TTBK1: variants seen among roughly 807,000 people sequenced by gnomAD.
TTBK1 encodes the protein tau tubulin kinase 1.
Under a neutral mutation model 108.5 loss-of-function variants are expected in TTBK1, and 34 were observed. The ratio of observed to expected loss-of-function variants is 0.31; its 90% CI spans 0.24 to 0.42. The LOEUF (loss-of-function observed/expected upper bound fraction) is 0.42, where lower values mean the gene tolerates loss of function less well. TTBK1 is among the 10% of genes least tolerant of loss of function. The probability of loss-of-function intolerance (pLI) is 1.00; values close to 1 mark genes in which losing one functional copy is unlikely to be tolerated. For synonymous variants in TTBK1, 809 were observed against 795.1 expected, an observed-to-expected ratio of 1.02 and a Z score of -0.29; for missense variants, 1,539 against 1,826.0, an observed-to-expected ratio of 0.84 and a Z score of 2.86.
chr6:43,284,455 T>C, intron 14 of TTBK1, 143 bp downstream of exon 14: 3 of 1,369,702 alleles, frequency 2.2e-6, no homozygotes, highest in Non-Finnish European at 2.9e-6. Flanking sequence ...ACCTCCCAAC[T>C]GTGCTCTGCC....
chr6:43,278,787 C>T (rs1778073895), intron 13 of TTBK1, among the ~76,000 whole-genome samples: 1 of 152,200 alleles, frequency 6.6e-6, no homozygotes, highest in African/African-American at 2.4e-5. Context: ...TTAGGCTACT[C>T]TCTGAGGAGG....
At position 43,253,497 on chromosome 6, in the gene TTBK1, G is replaced by GAGT. The variant is rs1777303718; in HGVS notation, c.331-69_331-67dup. 4 of 1,588,000 alleles carry GAGT rather than the reference G, an allele frequency of 2.5e-6. No homozygotes were observed. In the East Asian group the frequency reaches 9.0e-5, roughly 36 times the overall value. ...CAACCCTTTGGGGTGAGGCTGGGAA[G>GAGT]AGTATCACAATGATGGTGTCTGGGA... On this transcript the variant is annotated intron_variant, in intron 4 of 14. Transcript: ENST00000259750. This position sits in a 1 kb window ranked among gnomAD's most constrained non-coding sequence, Gnocchi z 5.8.
At position 43,253,400 on chromosome 6, in the gene TTBK1, A is replaced by G. The variant is rs773446595; in HGVS notation, c.330+36A>G. ...GTGGCCCATCCTCGCTCCCCTCTCT[A>G]AGAGCTTGGGCTGTGACTCCAGGGT... On this transcript the variant is annotated intron_variant, in intron 4 of 14. Coordinates refer to ENST00000259750, the MANE Select transcript of TTBK1 (RefSeq NM_032538.3). The surrounding 1 kb of genome is among the most constrained non-coding windows in gnomAD (Gnocchi z 5.8). 11 of 1,611,258 alleles carry G rather than the reference A, an allele frequency of 6.8e-6. No homozygotes were observed. Among genetic ancestry groups the G allele is most frequent in the Middle Eastern group, 1.6e-4 (1 of 6,064 alleles).
chr6:43,285,672 C>A lies in TTBK1; in HGVS notation c.*296C>A. The A allele has an allele frequency of 3.9e-6, 1 of 257,014 alleles. No individual in the cohort carries two copies. Among genetic ancestry groups the A allele is most frequent in the Non-Finnish European group, 7.3e-6 (1 of 136,712 alleles). The allele number at this position is 257,014 out of a possible 1,614,324, so 15.9% of individuals were successfully genotyped here. ...GCCGGCCAGCCTCACATCAGTCTCTCCGCCCCGGGGAAGGCTCAGCCACTT... is the reference window on the plus strand; with the variant it reads ...GCCGGCCAGCCTCACATCAGTCTCTACGCCCCGGGGAAGGCTCAGCCACTT... On this transcript the variant is annotated 3_prime_UTR_variant, in exon 15 of 15. Coordinates refer to ENST00000259750, the MANE Select transcript of TTBK1 (RefSeq NM_032538.3). The surrounding 1 kb of genome is among the most constrained non-coding windows in gnomAD (Gnocchi z 4.7).
chr6:43,279,758 T>TTTG (rs111607015), intron 13 of TTBK1, among the ~76,000 whole-genome samples: 29,088 of 150,912 alleles, frequency 0.19, 5,135 homozygotes, highest in African/African-American at 0.47. Flanking sequence ...GACAAAGTTT[T>TTTG]TTGTTGTTGT....
chr6:43,282,374 GT>G lies in TTBK1; in HGVS notation c.1987-351del, dbSNP rs1197429627. Among the ~76,000 whole-genome samples the G allele has an allele frequency of 6.6e-6, 1 of 152,240 alleles. No individual in the cohort carries two copies. Among genetic ancestry groups the G allele is most frequent in the Non-Finnish European group, 1.5e-5 (1 of 68,032 alleles). On this transcript the variant is annotated intron_variant, in intron 13 of 14. Coordinates refer to ENST00000259750, the MANE Select transcript of TTBK1 (RefSeq NM_032538.3). The surrounding 1 kb of genome is among the most constrained non-coding windows in gnomAD (Gnocchi z 5.4). ...CTTCCAGTTTTCATTTTCTGTTATT[GT>G]TGCTGACTCGGGTGCAGGATGCACA...
At chr6:43,277,094 G>A (rs537271559) in intron 13 of TTBK1, among the ~76,000 whole-genome samples, 20 of 152,188 alleles carry the variant, frequency 1.3e-4, no homozygotes, top group Non-Finnish European at 2.5e-4. Context: ...AGTGTCTGGT[G>A]GGACTAGAAA....
In TTBK1 at chr6:43,285,796, G is replaced by C. The variant is rs1778365645; in HGVS notation, c.*420G>C. ...CCAGCAATCTCTGCCTACACCTCCT[G>C]CGGCGCCTTGCCCTCCTCCGACCCC... On this transcript the variant is annotated 3_prime_UTR_variant, in exon 15 of 15. Coordinates refer to ENST00000259750, the MANE Select transcript of TTBK1 (RefSeq NM_032538.3). The surrounding 1 kb of genome is among the most constrained non-coding windows in gnomAD (Gnocchi z 4.7). 1 of 156,020 alleles carries C rather than the reference G, an allele frequency of 6.4e-6. No individual in the cohort carries two copies. The highest frequency in any genetic ancestry group is 6.5e-5 in the Admixed American group (1 of 15,358). The allele number at this position is 156,020 out of a possible 1,614,324, so 9.7% of individuals were successfully genotyped here.
chr6:43,256,822 A>T lies in TTBK1; in HGVS notation c.861+966A>T, dbSNP rs528271345. ...GAAAACTCTGCGGGAGGCAAGTGGG[A>T]TGATCATGCCCATTTCATAGATGAG... On this transcript the variant is annotated intron_variant, in intron 9 of 14. Coordinates refer to ENST00000259750, the MANE Select transcript of TTBK1 (RefSeq NM_032538.3). Among the ~76,000 whole-genome samples, 726 of 152,284 alleles carry T rather than the reference A, an allele frequency of 4.8e-3. 4 individuals carry two copies. Among genetic ancestry groups the T allele is most frequent in the Non-Finnish European group, 7.6e-3 (518 of 68,018 alleles).
Position 43,253,917 on chromosome 6 carries a change from C to T in TTBK1, c.471+209C>T, listed in dbSNP as rs954312713. Reference sequence around the variant, plus strand: ...GGAGCATGCACCCCTGCCTGCCCCTCGGCCATGGCCAGGCCTCTCCTCTGT... The same window carrying T: ...GGAGCATGCACCCCTGCCTGCCCCTTGGCCATGGCCAGGCCTCTCCTCTGT... On this transcript the variant is annotated intron_variant, in intron 5 of 14. Coordinates refer to ENST00000259750, the MANE Select transcript of TTBK1 (RefSeq NM_032538.3). The surrounding 1 kb of genome is among the most constrained non-coding windows in gnomAD (Gnocchi z 5.8). Among the ~76,000 whole-genome samples, 2 of 152,172 alleles carry T rather than the reference C, an allele frequency of 1.3e-5. No homozygotes were observed. Among genetic ancestry groups the T allele is most frequent in the Admixed American group, 6.5e-5 (1 of 15,284 alleles).
At position 43,263,143 on chromosome 6, in the gene TTBK1, C is replaced by G; in HGVS notation, c.1779C>G (p.Val593=). The G allele has an allele frequency of 1.3e-6, 2 of 1,567,962 alleles. No homozygotes were observed. Among genetic ancestry groups the G allele is most frequent in the Non-Finnish European group, 1.7e-6 (2 of 1,155,310 alleles). The change falls in exon 13 of 15, where the codon GTC becomes GTG. Residue 593 remains valine (V), a synonymous_variant. Coordinates refer to ENST00000259750, the MANE Select transcript of TTBK1 (RefSeq NM_032538.3). This position sits in a 1 kb window ranked among gnomAD's most constrained non-coding sequence, Gnocchi z 4.7. The part of the protein sequence containing the change: ...ERRRLGAEPT[V]RPRGRSMQAL... ...GGCGGCTGGGGGCAGAGCCCACCGTCCGGCCCCGGGGACGCAGCATGCAGG... is the reference window on the plus strand; with the variant it reads ...GGCGGCTGGGGGCAGAGCCCACCGTGCGGCCCCGGGGACGCAGCATGCAGG...
At chr6:43,245,711 A>G (rs1777067490) in intron 1 of TTBK1, among the ~76,000 whole-genome samples, 1 of 152,118 alleles carries the variant, frequency 6.6e-6, no homozygotes, top group Non-Finnish European at 1.5e-5. Context: ...ACCTGTCCTA[A>G]TTCGAGGAGA....
chr6:43,284,887 G>T, intron 14 of TTBK1, 96 bp from the exon 15 acceptor site: 1 of 1,399,258 alleles, frequency 7.1e-7, no homozygotes, highest in East Asian at 3.1e-5. Flanking sequence ...GAGGATGCCG[G>T]ACTCCAGTGC....
At chr6:43,248,823 A>G (rs1261371288) in intron 2 of TTBK1, among the ~76,000 whole-genome samples, 1 of 152,222 alleles carries the variant, frequency 6.6e-6, no homozygotes, top group Non-Finnish European at 1.5e-5. Context: ...CTCTAAAAAC[A>G]TAAAATAATA....
Position 43,282,763 on chromosome 6 carries a change from C to T in TTBK1, c.2023C>T (p.Leu675Phe), listed in dbSNP as rs752066337. The change falls in exon 14 of 15, where the codon CTC (leucine) becomes TTC (phenylalanine). Residue 675 changes from leucine to phenylalanine, a missense_variant. Physicochemically the swap from Leu to Phe is conservative, Grantham distance 22. Around this residue, in one of 5 missense-constraint regions of TTBK1, gnomAD observed 1,055 missense variants for 1,086.5 expected, o/e 0.97. Coordinates refer to ENST00000259750, the MANE Select transcript of TTBK1 (RefSeq NM_032538.3). This position sits in a 1 kb window ranked among gnomAD's most constrained non-coding sequence, Gnocchi z 5.4. ...SVAPPFEVNG[L>F]PRAVPLSLPY... ...GGCGCCCCCATTTGAGGTGAATGGC[C>T]TCCCACGAGCTGTGCCTCTGAGTCT... is the stretch of plus-strand genomic sequence containing the variant. The T allele has an allele frequency of 2.5e-6, 4 of 1,611,444 alleles. No individual in the cohort carries two copies. The highest frequency in any genetic ancestry group is 1.3e-5 in the African/African-American group (1 of 74,668).
At chr6:43,252,016 A>G (rs995712554) in intron 2 of TTBK1, among the ~76,000 whole-genome samples, 1 of 151,900 alleles carries the variant, frequency 6.6e-6, no homozygotes, top group South Asian at 2.1e-4. Flanking sequence ...TTCCTTCTGG[A>G]TAGGGGTCGC....
At chr6:43,244,158 T>C (rs1777028715) in intron 1 of TTBK1, among the ~76,000 whole-genome samples, 1 of 152,176 alleles carries the variant, frequency 6.6e-6, no homozygotes, top group Non-Finnish European at 1.5e-5. Flanking sequence ...TCATTATCTC[T>C]CACGGGTCTC....
chr6:43,262,813 G>T lies in TTBK1; in HGVS notation c.1449G>T (p.Ser483=). ...GGTCACGGATGGATCTGCCTGGCTC[G>T]CCCTCGCGCCAGGCCTGCTCCTCTC... ...ERRSRMDLPG[S]PSRQACSSQP... Residue 483 remains serine, a synonymous_variant, in exon 13 of 15, where the codon TCG becomes TCT. Transcript: ENST00000259750. 6.3e-7 allele frequency: 1 copy of T among 1,579,092 alleles called. No individual in the cohort carries two copies. Among genetic ancestry groups the T allele is most frequent in the Non-Finnish European group, 8.6e-7 (1 of 1,159,026 alleles).
At chr6:43,271,289 C>T in intron 13 of TTBK1, 1 of 985,450 alleles carries the variant, frequency 1.0e-6, no homozygotes, top group Non-Finnish European at 1.2e-6. Context: ...TAAGAGTGTG[C>T]TTACGAATGA....
Sources: allele counts gnomAD v4.1 joint callset (sites outside exome capture counted in the v4.1 genomes callset), GRCh38; gene constraint gnomAD v4.1.1; regional missense constraint gnomAD v4.1.1; non-coding constraint Gnocchi (gnomAD v3.1); transcripts MANE v1.5; gene names NCBI Gene and HGNC (gene_info 2026-07-23, HGNC 2026-07-21).